ADRA1B: variants seen among roughly 807,000 people sequenced by gnomAD.
ADRA1B encodes the protein adrenoceptor alpha 1B, also known as alpha-1B adrenergic receptor.
In ADRA1B, 17 loss-of-function variants were observed where a neutral mutation model predicts 17.9. The ratio of observed to expected loss-of-function variants is 0.95; its 90% CI spans 0.65 to 1.42. The LOEUF is 1.42. ADRA1B is among the 40% of genes most tolerant of loss of function. The probability of loss-of-function intolerance (pLI) is 0.00; values close to 1 mark genes in which losing one functional copy is unlikely to be tolerated. For missense variants in ADRA1B, 681 were observed against 722.1 expected, an observed-to-expected ratio of 0.94 and a Z score of 0.65; for synonymous variants, 366 against 327.6, an observed-to-expected ratio of 1.12 and a Z score of -1.27.
intron 1 of ADRA1B, among the ~76,000 whole-genome samples, chr5:159,934,901 T>C (rs1180575696): frequency 6.6e-6 from 1 of 151,362 alleles, no homozygotes; most frequent in Non-Finnish European, 1.5e-5. Context: ...AGTTAACTCA[T>C]CTGTAAAACG....
chr5:159,980,184 A>C, the ADRA1B span, among the ~76,000 whole-genome samples: 1 of 152,090 alleles, frequency 6.6e-6, no homozygotes, highest in Non-Finnish European at 1.5e-5. Context: ...GGGAGTTTCA[A>C]GGTGAGATCT....
intron 1 of ADRA1B, among the ~76,000 whole-genome samples, chr5:159,885,375 C>A (rs1216378673): frequency 6.6e-6 from 1 of 152,178 alleles, no homozygotes; most frequent in African/African-American, 2.4e-5. Flanking sequence ...AGGGTGAGTT[C>A]TATTGGTCAA....
At chr5:159,956,363 T>C (rs552518760) in intron 1 of ADRA1B, among the ~76,000 whole-genome samples, 2 of 151,376 alleles carry the variant, frequency 1.3e-5, no homozygotes, top group Middle Eastern at 3.4e-3. Context: ...CACCCAGATT[T>C]CCAAATTTTA....
At chr5:159,957,141 G>A (rs1755570731) in intron 1 of ADRA1B, among the ~76,000 whole-genome samples, 1 of 152,120 alleles carries the variant, frequency 6.6e-6, no homozygotes, top group African/African-American at 2.4e-5. Context: ...CAAAGTGCTG[G>A]AATTACAGGT....
chr5:159,878,867 C>G (rs1460065757), intron 1 of ADRA1B, among the ~76,000 whole-genome samples: 1 of 152,206 alleles, frequency 6.6e-6, no homozygotes, highest in Non-Finnish European at 1.5e-5. Context: ...CTAACATCTT[C>G]TCTGTGCTTG....
intron 1 of ADRA1B, among the ~76,000 whole-genome samples, chr5:159,959,629 A>G (rs539816067): frequency 6.6e-6 from 1 of 152,346 alleles, no homozygotes; most frequent in Admixed American, 6.5e-5. Context: ...CTGAAATTAC[A>G]TGGCACTGAA....
intron 1 of ADRA1B, chr5:159,948,507 T>C (rs1581059583): frequency 1.0e-6 from 1 of 971,230 alleles, no homozygotes; most frequent in East Asian, 1.1e-4. Context: ...CAAGAAGTTA[T>C]ATGCGTGTTT....
intron 1 of ADRA1B, among the ~76,000 whole-genome samples, chr5:159,946,851 C>T (rs566051905): frequency 6.6e-6 from 1 of 152,152 alleles, no homozygotes; most frequent in Non-Finnish European, 1.5e-5. Context: ...TGTAGGACCA[C>T]GACACATGAG....
chr5:159,907,870 T>C (rs991089275), intron 1 of ADRA1B, among the ~76,000 whole-genome samples: 1 of 152,162 alleles, frequency 6.6e-6, no homozygotes. Flanking sequence ...TTTAATAAGC[T>C]ACTTCCTTAG....
intron 1 of ADRA1B, chr5:159,950,486 A>T (rs1422041127): frequency 2.1e-6 from 3 of 1,440,934 alleles, no homozygotes; most frequent in Non-Finnish European, 2.9e-6. Context: ...CTGGTGGTCC[A>T]GGGGTGTTAC....
intron 1 of ADRA1B, among the ~76,000 whole-genome samples, chr5:159,945,730 T>C (rs968823613): frequency 6.6e-6 from 1 of 150,508 alleles, no homozygotes; most frequent in Non-Finnish European, 1.5e-5. Flanking sequence ...ATCCGATTTC[T>C]GGTGGGTTTT....
chr5:159,881,934 G>A (rs1282630210), intron 1 of ADRA1B, among the ~76,000 whole-genome samples: 1 of 152,122 alleles, frequency 6.6e-6, no homozygotes, highest in East Asian at 1.9e-4. Context: ...GTCCCGAAAA[G>A]GGCTCAGGCT....
At chr5:159,876,881 C>T (rs1753809972) in intron 1 of ADRA1B, among the ~76,000 whole-genome samples, 1 of 152,236 alleles carries the variant, frequency 6.6e-6, no homozygotes, top group Non-Finnish European at 1.5e-5. Flanking sequence ...ACCACTCCTC[C>T]CTTTCACCGT....
At chr5:159,927,381 G>GCA (rs59807316) in intron 1 of ADRA1B, among the ~76,000 whole-genome samples, 14,831 of 140,602 alleles carry the variant, frequency 0.11, 881 homozygotes, top group Admixed American at 0.15. Context: ...ATTAAAACAT[G>GCA]CACACACACA....
chr5:159,912,769 T>C (rs1476067029), upstream of ADRA1B, among the ~76,000 whole-genome samples: 1 of 152,240 alleles, frequency 6.6e-6, no homozygotes, highest in African/African-American at 2.4e-5. Flanking sequence ...CTCCGTTGCA[T>C]TGTTGTGAAT....
chr5:159,889,231 T>C (rs1260707205), intron 1 of ADRA1B, among the ~76,000 whole-genome samples: 1 of 152,148 alleles, frequency 6.6e-6, no homozygotes, highest in Non-Finnish European at 1.5e-5. Flanking sequence ...GTGCTGAGAA[T>C]AAACAGGGAA....
chr5:159,948,846 TTGAG>T (rs1373902177), intron 1 of ADRA1B, among the ~76,000 whole-genome samples: 12 of 152,252 alleles, frequency 7.9e-5, no homozygotes, highest in African/African-American at 2.9e-4. Flanking sequence ...ATAACATTTA[TTGAG>T]TATTTATTTT....
chr5:159,941,895 T>C (rs1755137943), intron 1 of ADRA1B, among the ~76,000 whole-genome samples: 1 of 150,956 alleles, frequency 6.6e-6, no homozygotes, highest in African/African-American at 2.4e-5. Context: ...GGAAATGAGA[T>C]GACTGCTAAT....
At chr5:159,968,370 C>G (rs1162487620) in intron 1 of ADRA1B, among the ~76,000 whole-genome samples, 1 of 152,138 alleles carries the variant, frequency 6.6e-6, no homozygotes, top group African/African-American at 2.4e-5. Context: ...ATTTTTGTAA[C>G]CTTTAAAAGA....
Sources: allele counts gnomAD v4.1 joint callset (sites outside exome capture counted in the v4.1 genomes callset), GRCh38; gene constraint gnomAD v4.1.1; transcripts MANE v1.5; gene names NCBI Gene and HGNC (gene_info 2026-07-23, HGNC 2026-07-21).